The following WASHC2C variants were observed in gnomAD, a reference collection of about 807,000 sequenced individuals.
WASHC2C encodes the protein Vaccinia Penetration Factor.
A neutral mutation model predicts 142.2 loss-of-function variants in WASHC2C; 73 were observed. The ratio of observed to expected loss-of-function variants is 0.51; its 90% CI spans 0.43 to 0.62. The LOEUF (loss-of-function observed/expected upper bound fraction) is 0.62. WASHC2C is among the 20% of genes least tolerant of loss of function. The pLI is 0.00. For missense variants in WASHC2C, 969 were observed against 1,531.7 expected (o/e 0.63, Z 6.13); for synonymous variants, 337 against 565.5 (o/e 0.60, Z 5.73).
At position 45,779,357 on chromosome 10, in the gene WASHC2C, G is replaced by A. The variant is rs1439255875; in HGVS notation, c.2478+222G>A. ...GATTAGAATTTCACCCCCCTCTTCT[G>A]GGATTTACAGACCTTGTTGTTCCTT... On this transcript the variant is annotated intron_variant, in intron 23 of 30. Transcript: ENST00000623400. Among the ~76,000 whole-genome samples, 5 of 147,354 alleles carry A rather than the reference G, an allele frequency of 3.4e-5. 1 individual carries two copies. The highest frequency in any genetic ancestry group is 3.4e-4 in the Admixed American group (5 of 14,822).
intron 8 of WASHC2C, among the ~76,000 whole-genome samples, chr10:45,748,930 C>T (rs1349928171): frequency 4.6e-5 from 7 of 152,146 alleles, no homozygotes; most frequent in African/African-American, 1.7e-4. Flanking sequence ...CTTTTATAAA[C>T]ACATCTGTTT....
chr10:45,739,244 A>G (rs1179141588), intron 4 of WASHC2C, among the ~76,000 whole-genome samples: 7 of 151,798 alleles, frequency 4.6e-5, no homozygotes, highest in African/African-American at 1.7e-4. Flanking sequence ...GTTCAGTTAG[A>G]AAGACTTCAG....
intron 7 of WASHC2C, among the ~76,000 whole-genome samples, chr10:45,745,338 G>A (rs1258540788): frequency 9.9e-4 from 151 of 152,192 alleles, no homozygotes; most frequent in Non-Finnish European, 1.6e-3. Flanking sequence ...TGCCGCTAGC[G>A]CTTTCATATC....
At chr10:45,768,869 C>A (rs554853433) in intron 19 of WASHC2C, among the ~76,000 whole-genome samples, 1 of 150,016 alleles carries the variant, frequency 6.7e-6, no homozygotes. Flanking sequence ...ATAGACAAGT[C>A]GCTTGTAATA....
chr10:45,773,906 A>AG (rs2056852052), intron 21 of WASHC2C, among the ~76,000 whole-genome samples: 1 of 150,992 alleles, frequency 6.6e-6, no homozygotes, highest in African/African-American at 2.5e-5. Context: ...AAAAAAAAAA[A>AG]AAAAAAAAAG....
chr10:45,783,869 T>C (rs2057711913), intron 23 of WASHC2C, among the ~76,000 whole-genome samples: 1 of 152,196 alleles, frequency 6.6e-6, no homozygotes, highest in South Asian at 2.1e-4. Flanking sequence ...TGGTAACTTT[T>C]AAATGTTAGA....
At chr10:45,773,025 G>T (rs2056738185) in intron 20 of WASHC2C, among the ~76,000 whole-genome samples, 1 of 147,456 alleles carries the variant, frequency 6.8e-6, no homozygotes, top group Admixed American at 6.8e-5. Context: ...TAACAGGAAA[G>T]GGGCAACCTG....
chr10:45,785,835 T>G, intron 26 of WASHC2C: 2 of 994,414 alleles, frequency 2.0e-6, no homozygotes, highest in Non-Finnish European at 2.9e-6. Flanking sequence ...AATCTATACT[T>G]TAATAGTTAG....
chr10:45,744,037 G>A (rs544387815), intron 6 of WASHC2C, among the ~76,000 whole-genome samples: 3 of 151,696 alleles, frequency 2.0e-5, no homozygotes, highest in Non-Finnish European at 2.9e-5. Context: ...ATGAGCCACC[G>A]TGCCCGGCTC....
intron 3 of WASHC2C, among the ~76,000 whole-genome samples, chr10:45,734,206 CAG>C (rs2050937255): frequency 6.6e-6 from 1 of 152,092 alleles, no homozygotes; most frequent in Non-Finnish European, 1.5e-5. Context: ...GCCAGGGTGA[CAG>C]AGCAAGACTC....
At chr10:45,770,772 C>T (rs2056503410) in intron 20 of WASHC2C, among the ~76,000 whole-genome samples, 1 of 152,146 alleles carries the variant, frequency 6.6e-6, no homozygotes, top group Non-Finnish European at 1.5e-5. Flanking sequence ...CTGATTCTGC[C>T]AGTTCCTGTC....
intron 13 of WASHC2C, among the ~76,000 whole-genome samples, chr10:45,754,210 C>T (rs1464889991): frequency 1.3e-5 from 2 of 151,456 alleles, no homozygotes; most frequent in Non-Finnish European, 2.9e-5. Flanking sequence ...CACCTCCTCC[C>T]TTGGTGTCCC....
Position 45,754,548 on chromosome 10 carries a change from A to C in WASHC2C, c.1240+3A>C. 1.3e-6 allele frequency: 2 copies of C among 1,590,228 alleles called. No individual in the cohort carries two copies. The highest frequency in any genetic ancestry group is 2.3e-5 in the South Asian group (2 of 88,860). On this transcript the variant is annotated splice_donor_region_variant and intron_variant, in intron 14 of 30. Coordinates refer to ENST00000623400, the MANE Select transcript of WASHC2C (RefSeq NM_001330074.2). ...AGGAGCTGTTTCTGTATTTTTAGGTAACATAACTTAGGTTTGTTTTCTAAA... is the reference window on the plus strand; with the variant it reads ...AGGAGCTGTTTCTGTATTTTTAGGTCACATAACTTAGGTTTGTTTTCTAAA...
intron 19 of WASHC2C, among the ~76,000 whole-genome samples, chr10:45,769,144 G>A (rs1485106000): frequency 2.6e-5 from 4 of 151,856 alleles, no homozygotes; most frequent in Admixed American, 6.5e-5. Flanking sequence ...TTGAGACAGA[G>A]TCTCGCTCTG....
At chr10:45,784,323 T>G (rs555191508) in intron 23 of WASHC2C, among the ~76,000 whole-genome samples, 2 of 103,964 alleles carry the variant, frequency 1.9e-5, no homozygotes, top group African/African-American at 3.4e-5. Flanking sequence ...CACACACATA[T>G]ATATATATAT....
intron 16 of WASHC2C, among the ~76,000 whole-genome samples, chr10:45,758,289 T>C (rs1383472091): frequency 6.6e-6 from 1 of 152,210 alleles, no homozygotes; most frequent in Non-Finnish European, 1.5e-5. Flanking sequence ...ACCACACTGC[T>C]TCATTGGAAA....
chr10:45,727,559 G>T lies in WASHC2C; in HGVS notation c.126+20G>T. The stretch of plus-strand genomic sequence containing the variant: ...GCGGGCGTGAGAGGCGGGCCCCGGG[G>T]ACGCGAGAGCGGCAGGGGTGACGCT... On this transcript the variant is annotated intron_variant, in intron 2 of 30. Transcript: ENST00000623400. The T allele has an allele frequency of 3.8e-6, 6 of 1,563,174 alleles. No individual in the cohort carries two copies. The highest frequency in any genetic ancestry group is 4.3e-6 in the Non-Finnish European group (5 of 1,155,584).
intron 25 of WASHC2C, 29 bp downstream of exon 25, chr10:45,784,930 T>A: frequency 6.2e-7 from 1 of 1,606,112 alleles, no homozygotes; most frequent in Non-Finnish European, 8.5e-7. Flanking sequence ...CAATACTGGG[T>A]TGTGTGGGAA....
intron 28 of WASHC2C, among the ~76,000 whole-genome samples, chr10:45,787,958 T>C (rs2058166607): frequency 6.6e-6 from 1 of 152,200 alleles, no homozygotes; most frequent in Admixed American, 6.5e-5. Flanking sequence ...TTCTATCCAG[T>C]CTCCCTTCTC....
Sources: allele counts gnomAD v4.1 joint callset (sites outside exome capture counted in the v4.1 genomes callset), GRCh38; gene constraint gnomAD v4.1.1; transcripts MANE v1.5; gene names NCBI Gene and HGNC (gene_info 2026-07-23, HGNC 2026-07-21).